The following TGFBR1 variants were observed in gnomAD, a reference collection of about 807,000 sequenced individuals.
The protein encoded by TGFBR1 is TGF-beta receptor type-1.
In TGFBR1, 20 loss-of-function variants were observed where a neutral mutation model predicts 55.1. The ratio of observed to expected loss-of-function variants is 0.36; its 90% CI spans 0.26 to 0.53. TGFBR1 has a LOEUF of 0.53. Among genes scored for constraint, TGFBR1 ranks in the 20% least tolerant of loss-of-function variants. The pLI, the probability that TGFBR1 is intolerant of heterozygous loss-of-function variation, is 0.91. For synonymous variants in TGFBR1, 220 were observed against 214.8 expected (o/e 1.02, Z -0.21); for missense variants, 385 against 617.6 (o/e 0.62, Z 3.99).
intron 1 of TGFBR1, among the ~76,000 whole-genome samples, chr9:99,124,837 TACTG>T (rs1344327576): frequency 2.6e-5 from 4 of 152,106 alleles, no homozygotes; most frequent in African/African-American, 9.7e-5. Context: ...AACCCTTTAG[TACTG>T]ACTTTTTCAA....
intron 1 of TGFBR1, among the ~76,000 whole-genome samples, chr9:99,110,022 A>G (rs749579965): frequency 6.6e-6 from 1 of 152,106 alleles, no homozygotes; most frequent in Non-Finnish European, 1.5e-5. Context: ...ATTAGATCCA[A>G]TTTTATGTGT....
chr9:99,141,574 GA>G (rs1028944278), intron 4 of TGFBR1, among the ~76,000 whole-genome samples: 1 of 152,178 alleles, frequency 6.6e-6, no homozygotes, highest in African/African-American at 2.4e-5. Flanking sequence ...TATAAAAGGA[GA>G]AACAGGCTCC....
At chr9:99,148,683 A>T (rs1030497088) in intron 8 of TGFBR1, among the ~76,000 whole-genome samples, 5 of 152,160 alleles carry the variant, frequency 3.3e-5, no homozygotes, top group African/African-American at 1.2e-4. Context: ...TTAATAAATG[A>T]GAGTGCTGCT....
rs2118904315 is a variant in TGFBR1 at position 99,152,643 on chromosome 9, G to A, written c.*3338G>A. The A allele has an allele frequency of 4.4e-6, 1 of 227,852 alleles. No homozygotes were observed. Among genetic ancestry groups the A allele is most frequent in the East Asian group, 6.3e-5 (1 of 15,964 alleles). 14.1% of individuals were successfully genotyped at this position (227,852 alleles called of 1,614,324 possible). ...TATCCCATTAGACACATCATCAAAAGCTTATTTTTATTCTTGCACTGGAAG... is the reference window on the plus strand; with the variant it reads ...TATCCCATTAGACACATCATCAAAAACTTATTTTTATTCTTGCACTGGAAG... On this transcript the variant is annotated 3_prime_UTR_variant, in exon 9 of 9. Coordinates refer to ENST00000374994, the MANE Select transcript of TGFBR1 (RefSeq NM_004612.4).
In TGFBR1 at chr9:99,105,126, G is replaced by GTGGGGCGAGGCGAGGTTTGC. The variant is rs1475166396; in HGVS notation, c.-74_-55dup. 3.1e-5 allele frequency: 32 copies of GTGGGGCGAGGCGAGGTTTGC among 1,038,828 alleles called. No individual in the cohort carries two copies. Among genetic ancestry groups the GTGGGGCGAGGCGAGGTTTGC allele is most frequent in the South Asian group, 4.5e-5 (1 of 22,268 alleles). 64.4% of individuals were successfully genotyped at this position (1,038,828 alleles called of 1,614,324 possible). On this transcript the variant is annotated 5_prime_UTR_variant, in exon 1 of 9. Transcript: ENST00000374994. ...CGAGGCCGCCGCGGCGGCTAGGGAG[G>GTGGGGCGAGGCGAGGTTTGC]TGGGGCGAGGCGAGGTTTGCTGGGG...
intron 6 of TGFBR1, 72 bp from the exon 7 acceptor site, chr9:99,146,413 C>G: frequency 6.4e-7 from 1 of 1,559,372 alleles, no homozygotes; most frequent in Non-Finnish European, 8.8e-7. Flanking sequence ...AAAGAAATGT[C>G]TGAAAGGAGG....
chr9:99,132,525 C>T lies in TGFBR1; in HGVS notation c.360C>T (p.Gly120=), dbSNP rs1827267376. 6.2e-7 allele frequency: 1 copy of T among 1,614,126 alleles called. No homozygotes were observed. The highest frequency in any genetic ancestry group is 1.3e-5 in the African/African-American group (1 of 75,038). Residue 120 remains glycine (G), a synonymous_variant, in exon 3 of 9, where the codon GGC becomes GGT. Coordinates refer to ENST00000374994, the MANE Select transcript of TGFBR1 (RefSeq NM_004612.4). ...ELPTTVKSSP[G]LGPVELAAVI... is the part of the protein sequence containing the mutation. ...CTTTTTCAGTAAAGTCATCACCTGG[C>T]CTTGGTCCTGTGGAACTGGCAGCTG...
At chr9:99,110,700 AT>A (rs2118265885) in intron 1 of TGFBR1, among the ~76,000 whole-genome samples, 1 of 152,344 alleles carries the variant, frequency 6.6e-6, no homozygotes, top group South Asian at 2.1e-4. Flanking sequence ...ATGATTTTGT[AT>A]TACCATAAAC....
At chr9:99,124,088 A>G (rs546221366) in intron 1 of TGFBR1, among the ~76,000 whole-genome samples, 1 of 152,314 alleles carries the variant, frequency 6.6e-6, no homozygotes, top group Admixed American at 6.5e-5. Flanking sequence ...AAGAAAACCC[A>G]GTCAGGAAAG....
At chr9:99,133,046 G>GA (rs1356473119) in intron 3 of TGFBR1, among the ~76,000 whole-genome samples, 1 of 152,138 alleles carries the variant, frequency 6.6e-6, no homozygotes, top group East Asian at 1.9e-4. Flanking sequence ...GAAAGGATAA[G>GA]AACAATTATT....
Position 99,130,645 on chromosome 9 carries a change from C to T in TGFBR1, c.343+1545C>T, listed in dbSNP as rs111384062. Among the ~76,000 whole-genome samples the T allele has an allele frequency of 4.4e-3, 664 of 152,298 alleles. 1 individual carries two copies. Among genetic ancestry groups the T allele is most frequent in the Non-Finnish European group, 6.3e-3 (427 of 68,014 alleles). On this transcript the variant is annotated intron_variant, in intron 2 of 8. Coordinates refer to ENST00000374994, the MANE Select transcript of TGFBR1 (RefSeq NM_004612.4). ...TTCTAATGAACATATATAAACTTCT[C>T]ATTTCCAGCTCTAGGATAAGCAAAC... is the stretch of plus-strand genomic sequence containing the variant.
At position 99,152,931 on chromosome 9, in the gene TGFBR1, A is replaced by G. The variant is rs1477295964; in HGVS notation, c.*3626A>G. 4.3e-6 allele frequency: 1 copy of G among 230,056 alleles called. No homozygotes were observed. The highest frequency in any genetic ancestry group is 8.6e-6 in the Non-Finnish European group (1 of 115,732). The allele number at this position is 230,056 out of a possible 1,614,324, so 14.3% of individuals were successfully genotyped here. On this transcript the variant is annotated 3_prime_UTR_variant, in exon 9 of 9. Coordinates refer to ENST00000374994, the MANE Select transcript of TGFBR1 (RefSeq NM_004612.4). ...TTAAACTTTTCAATCCCATTATGCAATCTTGTTTGTAAATGTAAACTTCTA... is the reference window on the plus strand; with the variant it reads ...TTAAACTTTTCAATCCCATTATGCAGTCTTGTTTGTAAATGTAAACTTCTA...
In TGFBR1 at chr9:99,147,645, C is replaced by T. The variant is rs200369181; in HGVS notation, c.1256-9C>T. On this transcript the variant is annotated splice_polypyrimidine_tract_variant and intron_variant, in intron 7 of 8. Transcript: ENST00000374994. ...TCATCAAAATTTAATTTTTTTTAAA[C>T]TGATACAGGAATTCATGAAGATTAC... 1.2e-6 allele frequency: 2 copies of T among 1,611,902 alleles called. No homozygotes were observed. The highest frequency in any genetic ancestry group is 1.7e-6 in the Non-Finnish European group (2 of 1,178,790).
chr9:99,133,877 G>T (rs761681828), intron 3 of TGFBR1, among the ~76,000 whole-genome samples: 4 of 151,788 alleles, frequency 2.6e-5, no homozygotes, highest in African/African-American at 4.8e-5. Context: ...AGTGGCATGC[G>T]CCTGTAGTCC....
intron 3 of TGFBR1, among the ~76,000 whole-genome samples, chr9:99,136,114 T>TA (rs1827431299): frequency 6.6e-6 from 1 of 152,156 alleles, no homozygotes; most frequent in Admixed American, 6.5e-5. Context: ...GTCGGCCTCC[T>TA]AAAGTGCTGG....
At chr9:99,132,843 TATAA>T in intron 3 of TGFBR1, 104 bp downstream of exon 3, 1 of 1,423,464 alleles carries the variant, frequency 7.0e-7, no homozygotes. Context: ...TGTGAGATAG[TATAA>T]ATAATATTGC....
In TGFBR1 at chr9:99,144,780, T is replaced by C. The variant is rs1162682079; in HGVS notation, c.1022T>C (p.Val341Ala). Residue 341 changes from valine (V) to alanine (A), a missense_variant, in exon 6 of 9, where the codon GTA becomes GCA. By Grantham distance (64) the Val-to-Ala change is moderately conservative (BLOSUM62 0). This residue lies in a region of TGFBR1 where 85 missense variants were observed against 228.4 expected (regional missense o/e 0.37). Transcript: ENST00000374994. Reference sequence around the variant, plus strand: ...GATTTGAAATCAAAGAATATCTTGGTAAAGAAGAATGGAACTTGCTGTATT... The same window carrying C: ...GATTTGAAATCAAAGAATATCTTGGCAAAGAAGAATGGAACTTGCTGTATT... The part of the protein sequence containing the change: ...HRDLKSKNIL[V>A]KKNGTCCIAD... 4 of 1,613,880 alleles carry C rather than the reference T, an allele frequency of 2.5e-6. No homozygotes were observed. The highest frequency in any genetic ancestry group is 3.4e-6 in the Non-Finnish European group (4 of 1,179,928).
At chr9:99,123,905 G>A (rs752538845) in intron 1 of TGFBR1, among the ~76,000 whole-genome samples, 3 of 152,156 alleles carry the variant, frequency 2.0e-5, no homozygotes, top group Non-Finnish European at 4.4e-5. Flanking sequence ...TTCCAAATGT[G>A]TTAATAAAGT....
At chr9:99,121,200 T>C (rs1461114317) in intron 1 of TGFBR1, among the ~76,000 whole-genome samples, 1 of 152,182 alleles carries the variant, frequency 6.6e-6, no homozygotes. Flanking sequence ...TTATCTGGAC[T>C]AGAGGAAAAT....
Sources: allele counts gnomAD v4.1 joint callset (sites outside exome capture counted in the v4.1 genomes callset), GRCh38; gene constraint gnomAD v4.1.1; regional missense constraint gnomAD v4.1.1; transcripts MANE v1.5; gene names NCBI Gene and HGNC (gene_info 2026-07-23, HGNC 2026-07-21).